Variants in CTNNA2 observed in about 807,000 individuals in gnomAD.
CTNNA2 encodes catenin alpha 2.
A neutral mutation model predicts 101.0 loss-of-function variants in CTNNA2; 42 were observed. The observed-to-expected ratio is 0.42, with a 90% confidence interval of 0.32 to 0.54. The LOEUF (loss-of-function observed/expected upper bound fraction) is 0.54. Among genes scored for constraint, CTNNA2 ranks in the 20% least tolerant of loss-of-function variants. The pLI is 0.14. For synonymous variants in CTNNA2, 450 were observed against 456.4 expected, an observed-to-expected ratio of 0.99 and a Z score of 0.18; for missense variants, 871 against 1,223.1, an observed-to-expected ratio of 0.71 and a Z score of 4.29.
At chr2:79,827,179 C>T (rs1161726206) in intron 3 of CTNNA2, among the ~76,000 whole-genome samples, 1 of 151,996 alleles carries the variant, frequency 6.6e-6, no homozygotes, top group African/African-American at 2.4e-5. Context: ...GCTAGGATTA[C>T]AGGCGCCCGC....
intron 1 of CTNNA2, among the ~76,000 whole-genome samples, chr2:79,588,039 T>C (rs1208562726): frequency 1.3e-5 from 2 of 152,164 alleles, no homozygotes; most frequent in East Asian, 1.9e-4. Context: ...TATAGTAGGC[T>C]TAGAGACTTG....
intron 2 of CTNNA2, among the ~76,000 whole-genome samples, chr2:79,701,933 TG>T (rs1426304700): frequency 2.2e-5 from 3 of 134,398 alleles, no homozygotes; most frequent in Non-Finnish European, 4.6e-5. Context: ...ATCCGGGAGA[TG>T]GGGGTTACAG....
chr2:79,685,120 T>A (rs1299553752), intron 2 of CTNNA2, among the ~76,000 whole-genome samples: 1 of 152,194 alleles, frequency 6.6e-6, no homozygotes, highest in Non-Finnish European at 1.5e-5. Context: ...GTAATTAAAA[T>A]TGCTAATTTA....
At chr2:80,228,055 T>C (rs1056050224) in intron 7 of CTNNA2, among the ~76,000 whole-genome samples, 6 of 152,102 alleles carry the variant, frequency 3.9e-5, no homozygotes, top group Admixed American at 2.0e-4. Context: ...GAGTCCTATG[T>C]AGACCAAGCT....
rs148692659 is a variant in CTNNA2, at chr2:79,718,750, C to T, written c.103-25637C>T. On this transcript the variant is annotated intron_variant, in intron 2 of 18. Transcript: ENST00000402739. ...GCTGATGTATAGCAAAGATTTTTAT[C>T]TACAATGCCTGATGCTTTCAATAGG... Among the ~76,000 whole-genome samples the T allele has an allele frequency of 1.7e-3, 261 of 151,524 alleles. 2 individuals carry two copies. Among genetic ancestry groups the T allele is most frequent in the African/African-American group, 5.7e-3 (237 of 41,292 alleles).
chr2:79,844,978 C>T (rs943695474), intron 3 of CTNNA2, among the ~76,000 whole-genome samples: 1 of 14,106 alleles, frequency 7.1e-5, no homozygotes, highest in African/African-American at 2.5e-4. Context: ...TGAAAACAAA[C>T]TACACACACA....
intron 3 of CTNNA2, among the ~76,000 whole-genome samples, chr2:79,332,623 T>TA (rs1676900570): frequency 6.6e-6 from 1 of 152,206 alleles, no homozygotes; most frequent in Non-Finnish European, 1.5e-5. Context: ...ACATACGTTT[T>TA]AAAAATGGTC....
chr2:79,530,254 A>G (rs1672657394), intron 1 of CTNNA2, among the ~76,000 whole-genome samples: 1 of 152,158 alleles, frequency 6.6e-6, no homozygotes, highest in Non-Finnish European at 1.5e-5. Context: ...TTGTGGGTTT[A>G]GTGGTTTGTG....
chr2:79,988,611 C>G (rs1334206634), intron 7 of CTNNA2, among the ~76,000 whole-genome samples: 2 of 152,076 alleles, frequency 1.3e-5, no homozygotes, highest in African/African-American at 4.8e-5. Context: ...TGGATACTTG[C>G]AAGAGCTTAT....
At chr2:80,261,181 C>T (rs1838255) in intron 7 of CTNNA2, among the ~76,000 whole-genome samples, 14,453 of 152,158 alleles carry the variant, frequency 0.095, 1,512 homozygotes, top group African/African-American at 0.26. Context: ...TCAGATGACA[C>T]ATATACCTAT....
At chr2:80,435,236 C>A (rs1681926585) in intron 9 of CTNNA2, among the ~76,000 whole-genome samples, 1 of 152,166 alleles carries the variant, frequency 6.6e-6, no homozygotes, top group African/African-American at 2.4e-5. Flanking sequence ...GTGCCCTATA[C>A]CTACATCAGT....
chr2:79,837,787 C>G (rs1412307244), intron 3 of CTNNA2, among the ~76,000 whole-genome samples: 1 of 151,624 alleles, frequency 6.6e-6, no homozygotes, highest in East Asian at 1.9e-4. Flanking sequence ...AAATGTTTTT[C>G]AACATTTAGC....
At chr2:80,258,835 A>G (rs1040240656) in intron 7 of CTNNA2, among the ~76,000 whole-genome samples, 5 of 152,108 alleles carry the variant, frequency 3.3e-5, no homozygotes, top group African/African-American at 1.2e-4. Flanking sequence ...TGGCAGGACT[A>G]CCAGGATTGG....
intron 7 of CTNNA2, among the ~76,000 whole-genome samples, chr2:80,098,660 C>T (rs1329387321): frequency 6.6e-6 from 1 of 152,326 alleles, no homozygotes; most frequent in Non-Finnish European, 1.5e-5. Context: ...CCACCCAGTT[C>T]GAGCTTCCTA....
intron 3 of CTNNA2, among the ~76,000 whole-genome samples, chr2:79,335,700 G>A (rs1421702791): frequency 6.6e-6 from 1 of 152,100 alleles, no homozygotes; most frequent in African/African-American, 2.4e-5. Context: ...TAAAAGGTGG[G>A]GCTTCTCTCA....
chr2:80,591,748 CTTG>C (rs1380493915), intron 15 of CTNNA2, among the ~76,000 whole-genome samples: 8 of 152,018 alleles, frequency 5.3e-5, no homozygotes, highest in Admixed American at 6.6e-5. Context: ...CATTTATTAT[CTTG>C]TTGTTTTATT....
At chr2:80,080,618 G>C (rs529585709) in intron 7 of CTNNA2, among the ~76,000 whole-genome samples, 3 of 152,242 alleles carry the variant, frequency 2.0e-5, no homozygotes, top group Admixed American at 2.0e-4. Context: ...AGACTTCCCT[G>C]TTTAGAGAGA....
intron 3 of CTNNA2, among the ~76,000 whole-genome samples, chr2:79,338,875 G>C (rs1208680589): frequency 6.6e-6 from 1 of 152,090 alleles, no homozygotes; most frequent in Non-Finnish European, 1.5e-5. Flanking sequence ...CATAATCTCT[G>C]TCTGCTTGCA....
intron 15 of CTNNA2, among the ~76,000 whole-genome samples, chr2:80,595,991 A>T (rs1238482786): frequency 6.6e-6 from 1 of 152,154 alleles, no homozygotes; most frequent in Non-Finnish European, 1.5e-5. Context: ...CTTCCTATCC[A>T]TGAGCATGGA....
Sources: gnomAD v4.1 joint callset for allele counts (sites outside exome capture counted in the v4.1 genomes callset) on GRCh38, gnomAD v4.1.1 for gene constraint, MANE v1.5 for transcripts, NCBI Gene and HGNC (gene_info 2026-07-23, HGNC 2026-07-21) for gene names.